SUCLG2: variants seen among roughly 807,000 people sequenced by gnomAD.
SUCLG2 encodes succinate--CoA ligase [GDP-forming] subunit beta, mitochondrial.
SUCLG2 carries 42 observed loss-of-function variants against 47.9 expected under a neutral mutation model. That is an observed-to-expected ratio of 0.88 (90% CI 0.69 to 1.14). The LOEUF (loss-of-function observed/expected upper bound fraction) is 1.14. SUCLG2 is among the 50% of genes most tolerant of loss of function. The pLI, the probability that SUCLG2 is intolerant of heterozygous loss-of-function variation, is 0.00. For missense variants in SUCLG2, 571 were observed against 525.9 expected, an observed-to-expected ratio of 1.09 and a Z score of -0.84; for synonymous variants, 195 against 197.3, an observed-to-expected ratio of 0.99 and a Z score of 0.10.
At chr3:67,631,495 G>A (rs2107352291) in intron 1 of SUCLG2, among the ~76,000 whole-genome samples, 1 of 152,188 alleles carries the variant, frequency 6.6e-6, no homozygotes, top group South Asian at 2.1e-4. Context: ...GGGCGTGGTG[G>A]ATACGCCTGT....
chr3:67,491,751 G>A (rs1315678105), intron 9 of SUCLG2, among the ~76,000 whole-genome samples: 2 of 152,130 alleles, frequency 1.3e-5, no homozygotes, highest in Non-Finnish European at 2.9e-5. Context: ...ATACTGTTCT[G>A]TATGGAGATT....
chr3:67,501,294 G>A (rs1228145031), intron 7 of SUCLG2, among the ~76,000 whole-genome samples: 1 of 152,080 alleles, frequency 6.6e-6, no homozygotes, highest in African/African-American at 2.4e-5. Context: ...TTACTTAGTG[G>A]GTAAGGGAAG....
At chr3:67,555,703 A>C (rs1350678381) in intron 2 of SUCLG2, among the ~76,000 whole-genome samples, 1 of 152,230 alleles carries the variant, frequency 6.6e-6, no homozygotes, top group Non-Finnish European at 1.5e-5. Context: ...GATGATATAA[A>C]TAAGGTAGAA....
chr3:67,602,218 T>C (rs1331817852), intron 2 of SUCLG2, among the ~76,000 whole-genome samples: 1 of 152,134 alleles, frequency 6.6e-6, no homozygotes, highest in African/African-American at 2.4e-5. Flanking sequence ...ACCAGGCACA[T>C]GGTAAAGGCC....
chr3:67,398,731 T>C (rs564169948), intron 10 of SUCLG2, among the ~76,000 whole-genome samples: 3 of 152,178 alleles, frequency 2.0e-5, no homozygotes, highest in Admixed American at 6.5e-5. Context: ...CATATGTTTA[T>C]TGCAGCACTA....
chr3:67,586,646 T>A (rs1336759856), intron 2 of SUCLG2, among the ~76,000 whole-genome samples: 1 of 152,222 alleles, frequency 6.6e-6, no homozygotes, highest in African/African-American at 2.4e-5. Flanking sequence ...TTTTTATATG[T>A]TCTGTTGGAT....
chr3:67,625,134 C>A (rs1435339253), intron 1 of SUCLG2, among the ~76,000 whole-genome samples: 2 of 151,956 alleles, frequency 1.3e-5, no homozygotes, highest in Admixed American at 6.6e-5. Flanking sequence ...AACAACTGGC[C>A]CAAACTAGAA....
chr3:67,394,080 A>G (rs1702464130), intron 10 of SUCLG2, among the ~76,000 whole-genome samples: 1 of 152,192 alleles, frequency 6.6e-6, no homozygotes. Flanking sequence ...GAAAAAACAG[A>G]GCAGAAAAAC....
intron 9 of SUCLG2, among the ~76,000 whole-genome samples, chr3:67,454,609 C>T (rs1319888059): frequency 1.3e-5 from 2 of 152,120 alleles, no homozygotes; most frequent in Non-Finnish European, 1.5e-5. Flanking sequence ...TACATCATGA[C>T]ACTTCACTCC....
intron 5 of SUCLG2, among the ~76,000 whole-genome samples, chr3:67,519,717 T>A (rs1370024414): frequency 6.6e-6 from 1 of 152,224 alleles, no homozygotes; most frequent in Non-Finnish European, 1.5e-5. Context: ...AATGTAATTT[T>A]GACCCCAAGA....
chr3:67,639,562 G>A (rs1701064594), intron 1 of SUCLG2, among the ~76,000 whole-genome samples: 1 of 151,726 alleles, frequency 6.6e-6, no homozygotes, highest in South Asian at 2.1e-4. Flanking sequence ...GTCTTAAGAT[G>A]CTGAAGACAA....
intron 9 of SUCLG2, among the ~76,000 whole-genome samples, chr3:67,461,447 T>G (rs1704330798): frequency 6.6e-6 from 1 of 152,048 alleles, no homozygotes; most frequent in African/African-American, 2.4e-5. Context: ...AAAGATGGCA[T>G]TCTGAGGGGG....
Position 67,548,257 on chromosome 3 carries a change from G to T in SUCLG2, c.227-19071C>A, listed in dbSNP as rs1410486748. On this transcript the variant is annotated intron_variant, in intron 2 of 10. Transcript: ENST00000307227. ...CTGTGCTTTAACTTCCTCACATAGA[G>T]CCTTATTACTGATTTTTCCCCAATG... Among the ~76,000 whole-genome samples the T allele has an allele frequency of 3.3e-5, 5 of 152,156 alleles. No homozygotes were observed. The South Asian group carries it at 1.0e-3, about 32-fold the overall frequency.
intron 2 of SUCLG2, among the ~76,000 whole-genome samples, chr3:67,556,360 C>T (rs949824143): frequency 1.3e-5 from 2 of 152,152 alleles, no homozygotes; most frequent in African/African-American, 4.8e-5. Flanking sequence ...TTAGGAAATA[C>T]ATACCCACAA....
intron 1 of SUCLG2, among the ~76,000 whole-genome samples, chr3:67,651,324 CT>C (rs1701281472): frequency 6.6e-6 from 1 of 152,176 alleles, no homozygotes; most frequent in Admixed American, 6.5e-5. Flanking sequence ...TCTACTACCA[CT>C]TTCCCCCTCT....
At chr3:67,581,720 G>A (rs1455935810) in intron 2 of SUCLG2, among the ~76,000 whole-genome samples, 1 of 152,156 alleles carries the variant, frequency 6.6e-6, no homozygotes, top group Admixed American at 6.5e-5. Context: ...ACTCGAGTAT[G>A]GAAAGTCAGA....
intron 7 of SUCLG2, among the ~76,000 whole-genome samples, chr3:67,501,721 T>C (rs184217218): frequency 6.6e-6 from 1 of 151,936 alleles, no homozygotes; most frequent in Non-Finnish European, 1.5e-5. Context: ...TAATAAAGCC[T>C]CCATAAAAAT....
At chr3:67,615,344 G>C (rs1700605567) in intron 1 of SUCLG2, among the ~76,000 whole-genome samples, 1 of 151,924 alleles carries the variant, frequency 6.6e-6, no homozygotes, top group South Asian at 2.1e-4. Context: ...ACCTGGGGTG[G>C]GGAGGTGGGG....
Position 67,589,516 on chromosome 3 carries a change from C to A in SUCLG2, c.226+19939G>T, listed in dbSNP as rs547587416. The stretch of plus-strand genomic sequence containing the variant: ...TGTATCTTGGATACCCCACTACTGG[C>A]CTCATAATTAGACTTAACCATGGAA... On this transcript the variant is annotated intron_variant, in intron 2 of 10. Transcript: ENST00000307227. Among the ~76,000 whole-genome samples, 24 of 152,302 alleles carry A rather than the reference C, an allele frequency of 1.6e-4. No homozygotes were observed. The South Asian group carries it at 5.0e-3, about 32-fold the overall frequency.
Sources: allele counts gnomAD v4.1 joint callset (sites outside exome capture counted in the v4.1 genomes callset), GRCh38; gene constraint gnomAD v4.1.1; transcripts MANE v1.5; gene names NCBI Gene and HGNC (gene_info 2026-07-23, HGNC 2026-07-21).